Variants in METTL16 observed in about 807,000 individuals in gnomAD.
The protein encoded by METTL16 is methyltransferase 16, RNA N6-adenosine, also known as RNA N(6)-adenosine-methyltransferase METTL16.
A neutral mutation model predicts 57.9 loss-of-function variants in METTL16; 19 were observed. The ratio of observed to expected loss-of-function variants is 0.33; its 90% CI spans 0.23 to 0.48. METTL16 has a LOEUF of 0.48. Ranked by LOEUF, METTL16 falls within the 20% of genes least tolerant of loss-of-function variation. METTL16 has a pLI of 0.99. For missense variants in METTL16, 434 were observed against 691.5 expected, an observed-to-expected ratio of 0.63 and a Z score of 4.18; for synonymous variants, 246 against 255.6, an observed-to-expected ratio of 0.96 and a Z score of 0.36.
At chr17:2,450,643 C>A (rs1164700126) in intron 6 of METTL16, among the ~76,000 whole-genome samples, 1 of 152,118 alleles carries the variant, frequency 6.6e-6, no homozygotes, top group African/African-American at 2.4e-5. Flanking sequence ...TTAACCATAT[C>A]GTAACGTTTT....
intron 2 of METTL16, among the ~76,000 whole-genome samples, chr17:2,487,555 G>A (rs2067352832): frequency 6.6e-6 from 1 of 152,154 alleles, no homozygotes; most frequent in Admixed American, 6.6e-5. Flanking sequence ...AGGCAAGAGG[G>A]TATCCATGAA....
intron 6 of METTL16, among the ~76,000 whole-genome samples, chr17:2,445,709 C>T (rs561580738): frequency 7.2e-5 from 11 of 151,810 alleles, no homozygotes; most frequent in Admixed American, 7.2e-4. Flanking sequence ...TTGCTTGAAC[C>T]CGAGAGGCAG....
downstream of METTL16, chr17:2,416,040 T>C (rs2066712128): frequency 6.6e-6 from 1 of 152,178 alleles, no homozygotes; most frequent in Non-Finnish European, 1.5e-5. Flanking sequence ...AAAGAGACCA[T>C]GGCTAGTGTT....
At chr17:2,428,716 G>A (rs1296359309) in intron 8 of METTL16, among the ~76,000 whole-genome samples, 1 of 147,634 alleles carries the variant, frequency 6.8e-6, no homozygotes, top group Non-Finnish European at 1.5e-5. Context: ...GGGCAACATA[G>A]TAAGACCCCA....
At chr17:2,430,206 G>A (rs1202004884) in intron 8 of METTL16, among the ~76,000 whole-genome samples, 1 of 151,744 alleles carries the variant, frequency 6.6e-6, no homozygotes, top group Non-Finnish European at 1.5e-5. Flanking sequence ...TCAAACTACT[G>A]GGGTCAAGCG....
At position 2,420,319 on chromosome 17, in the gene METTL16, G is replaced by A. The variant is rs200014347; in HGVS notation, c.1340C>T (p.Pro447Leu). Residue 447 changes from proline (P) to leucine (L), a missense_variant, in exon 10 of 10, where the codon CCG (proline) becomes CTG (leucine). This residue lies in a region of METTL16 where 168 missense variants were observed against 149.6 expected (regional missense o/e 1.12). Coordinates refer to ENST00000263092, the MANE Select transcript of METTL16 (RefSeq NM_024086.4). The surrounding 1 kb of genome is among the most constrained non-coding windows in gnomAD (Gnocchi z 5.4). Reference protein sequence around the residue: ...REGEAAAVEGPCPSQESLSQE... With the variant: ...REGEAAAVEGLCPSQESLSQE... ...GGACAGGGACTCCTGGCTCGGGCAC[G>A]GGCCCTCCACAGCGGCAGCCTCGCC... The A allele has an allele frequency of 2.0e-4, 326 of 1,611,914 alleles. No individual in the cohort carries two copies. Among genetic ancestry groups the A allele is most frequent in the Non-Finnish European group, 2.5e-4 (300 of 1,180,026 alleles).
chr17:2,507,463 G>C (rs1413168236), intron 1 of METTL16, among the ~76,000 whole-genome samples: 2 of 149,632 alleles, frequency 1.3e-5, no homozygotes, highest in African/African-American at 4.9e-5. Context: ...GAAGTGAGGA[G>C]CCCCTCTGCC....
In METTL16 at chr17:2,485,937, A is replaced by T. The variant is rs572703423; in HGVS notation, c.129-8052T>A. ...GGTCAGAGGAGGCTTCCCTGCACAG[A>T]CAACTAAGCTAAGAACTGACAATGG... On this transcript the variant is annotated intron_variant, in intron 2 of 9. Coordinates refer to ENST00000263092, the MANE Select transcript of METTL16 (RefSeq NM_024086.4). 5.3e-5 allele frequency among the ~76,000 whole-genome samples: 8 copies of T among 152,308 alleles called. No homozygotes were observed. In the South Asian group the frequency reaches 1.5e-3, roughly 28 times the overall value.
intron 6 of METTL16, among the ~76,000 whole-genome samples, chr17:2,449,513 C>G (rs1202684992): frequency 7.2e-6 from 1 of 138,164 alleles, no homozygotes; most frequent in Non-Finnish European, 1.5e-5. Context: ...TGGCTTAAAA[C>G]AATTTTGAAA....
rs1567881728 is a variant in METTL16 at position 2,428,599 on chromosome 17, ATAT to A, written c.889-7698_889-7696del. Among the ~76,000 whole-genome samples the A allele has an allele frequency of 1.5e-3, 62 of 41,126 alleles. 5 individuals carry two copies. Among genetic ancestry groups the A allele is most frequent in the African/African-American group, 3.9e-3 (37 of 9,586 alleles). The allele number at this position is 41,126 out of a possible 152,430, so 27.0% of individuals were successfully genotyped here. On this transcript the variant is annotated intron_variant, in intron 8 of 9. Transcript: ENST00000263092. ...TATATATATATATATATATATATATATATAAATTGTAATACAGCGGGGCACAGT... is the reference window on the plus strand; with the variant it reads ...TATATATATATATATATATATATATAAAATTGTAATACAGCGGGGCACAGT...
chr17:2,468,992 C>G (rs955130584), intron 4 of METTL16, among the ~76,000 whole-genome samples: 1 of 151,080 alleles, frequency 6.6e-6, no homozygotes, highest in African/African-American at 2.5e-5. Flanking sequence ...TCCAACACTT[C>G]GGGAGGCCGA....
chr17:2,458,161 T>C (rs987654642), intron 6 of METTL16, among the ~76,000 whole-genome samples: 2 of 152,166 alleles, frequency 1.3e-5, no homozygotes, highest in African/African-American at 4.8e-5. Flanking sequence ...ATTATAGGTA[T>C]GGGCCACTGT....
intron 2 of METTL16, among the ~76,000 whole-genome samples, chr17:2,494,302 G>A (rs1035579832): frequency 1.3e-5 from 2 of 152,180 alleles, no homozygotes; most frequent in African/African-American, 2.4e-5. Context: ...GATTACAGGC[G>A]TGAGCCACTG....
intron 3 of METTL16, among the ~76,000 whole-genome samples, chr17:2,474,564 C>CA (rs1209593947): frequency 2.6e-5 from 4 of 152,124 alleles, no homozygotes; most frequent in Non-Finnish European, 5.9e-5. Flanking sequence ...ACTCTTTGAC[C>CA]ACTAGGGTTT....
chr17:2,458,645 G>A (rs2067127619), intron 6 of METTL16, among the ~76,000 whole-genome samples: 2 of 152,078 alleles, frequency 1.3e-5, no homozygotes, highest in Non-Finnish European at 2.9e-5. Flanking sequence ...TTGGGAGGCA[G>A]AGGTTGCAGT....
intron 6 of METTL16, among the ~76,000 whole-genome samples, chr17:2,447,908 T>C: frequency 2.9e-5 from 2 of 69,804 alleles, no homozygotes; most frequent in Admixed American, 1.3e-4. Context: ...GTGGGGGGGG[T>C]CAGCCCCCCG....
At chr17:2,500,535 G>A (rs768753402) in intron 2 of METTL16, among the ~76,000 whole-genome samples, 4 of 152,068 alleles carry the variant, frequency 2.6e-5, no homozygotes, top group Non-Finnish European at 5.9e-5. Flanking sequence ...GCCCACCTTG[G>A]CCTCCCAAAG....
rs60696157 is a variant in METTL16, at chr17:2,432,554, G to A, written c.888+5555C>T. Among the ~76,000 whole-genome samples the A allele has an allele frequency of 6.2e-3, 942 of 151,952 alleles. 9 individuals carry two copies. The highest frequency in any genetic ancestry group is 0.021 in the African/African-American group (889 of 41,436). On this transcript the variant is annotated intron_variant, in intron 8 of 9. Coordinates refer to ENST00000263092, the MANE Select transcript of METTL16 (RefSeq NM_024086.4). ...AATACATTCCAGCCTTGGCAACAGT[G>A]AGACCCAGTCTCAAAATAAAAAAAA...
At chr17:2,455,847 GTGT>G (rs1267865478) in intron 6 of METTL16, among the ~76,000 whole-genome samples, 2 of 152,050 alleles carry the variant, frequency 1.3e-5, no homozygotes, top group Non-Finnish European at 2.9e-5. Flanking sequence ...GCCAGGCATG[GTGT>G]TGTGCACGTA....
Sources: allele counts gnomAD v4.1 joint callset (sites outside exome capture counted in the v4.1 genomes callset), GRCh38; gene constraint gnomAD v4.1.1; regional missense constraint gnomAD v4.1.1; non-coding constraint Gnocchi (gnomAD v3.1); transcripts MANE v1.5; gene names NCBI Gene and HGNC (gene_info 2026-07-23, HGNC 2026-07-21).